Variants in UGGT2 observed in about 807,000 individuals in gnomAD.
The protein encoded by UGGT2 is UDP-glucose:glycoprotein glucosyltransferase 2.
In UGGT2, 180 loss-of-function variants were observed where a neutral mutation model predicts 192.1. That is an observed-to-expected ratio of 0.94 (90% CI 0.83 to 1.06). The LOEUF (loss-of-function observed/expected upper bound fraction) is 1.06. Ranked by LOEUF, UGGT2 falls within the 50% of genes least tolerant of loss-of-function variation. The pLI, the probability that UGGT2 is intolerant of heterozygous loss-of-function variation, is 0.00. For missense variants in UGGT2, 1,849 were observed against 1,795.7 expected (o/e 1.03, Z -0.54); for synonymous variants, 580 against 591.0 (o/e 0.98, Z 0.27).
intron 26 of UGGT2, among the ~76,000 whole-genome samples, chr13:95,885,457 T>C (rs2047618809): frequency 6.6e-6 from 1 of 152,164 alleles, no homozygotes; most frequent in Non-Finnish European, 1.5e-5. Flanking sequence ...GCATCTCCAA[T>C]ATGCTTCAAA....
intron 1 of UGGT2, among the ~76,000 whole-genome samples, chr13:96,052,643 A>C (rs1326382246): frequency 6.6e-6 from 1 of 152,250 alleles, no homozygotes; most frequent in Non-Finnish European, 1.5e-5. Context: ...AGAATACTAA[A>C]GGGCAAAATG....
At chr13:95,907,212 G>T (rs763706706) in intron 20 of UGGT2, among the ~76,000 whole-genome samples, 1 of 152,222 alleles carries the variant, frequency 6.6e-6, no homozygotes, top group Non-Finnish European at 1.5e-5. Flanking sequence ...GGGGAGGGGC[G>T]TCCACCATTG....
intron 20 of UGGT2, among the ~76,000 whole-genome samples, chr13:95,919,896 A>T (rs548681518): frequency 2.6e-5 from 4 of 152,350 alleles, no homozygotes; most frequent in East Asian, 3.9e-4. Flanking sequence ...CGAATAGTCA[A>T]GCCAATCCTA....
At chr13:95,963,331 T>C (rs952537534) in intron 12 of UGGT2, among the ~76,000 whole-genome samples, 1 of 152,024 alleles carries the variant, frequency 6.6e-6, no homozygotes, top group Non-Finnish European at 1.5e-5. Flanking sequence ...AGAAAAAGAA[T>C]CTGATTAAAT....
At chr13:95,913,192 A>G (rs1355490802) in intron 20 of UGGT2, among the ~76,000 whole-genome samples, 1 of 152,152 alleles carries the variant, frequency 6.6e-6, no homozygotes, top group Non-Finnish European at 1.5e-5. Context: ...GGACTTCATG[A>G]CTAAAACACC....
intron 20 of UGGT2, among the ~76,000 whole-genome samples, chr13:95,914,109 C>G (rs2048597670): frequency 6.6e-6 from 1 of 151,870 alleles, no homozygotes; most frequent in Non-Finnish European, 1.5e-5. Flanking sequence ...GGATGGGGGC[C>G]TGAGGGAGGG....
rs2051407795 is a variant in UGGT2 at position 95,990,009 on chromosome 13, TGTTACTCTCAATCAG to T, written c.880_894del (p.Leu294_Asn298del). ...CAGACTTTCAAAGGCATCATTTGTT[TGTTACTCTCAATCAG>T]GTATTTTTGGAATGCTGTCAGATTA... On this transcript the variant is annotated inframe_deletion, in exon 8 of 39. Transcript: ENST00000376747. 1 of 1,607,802 alleles carries T rather than the reference TGTTACTCTCAATCAG, an allele frequency of 6.2e-7. No individual in the cohort carries two copies. Among genetic ancestry groups the T allele is most frequent in the African/African-American group, 1.3e-5 (1 of 74,800 alleles).
At chr13:95,909,048 C>T (rs1378683784) in intron 20 of UGGT2, among the ~76,000 whole-genome samples, 3 of 151,502 alleles carry the variant, frequency 2.0e-5, no homozygotes, top group African/African-American at 7.3e-5. Context: ...ATGGTAATGC[C>T]TAGGTTTTCT....
intron 12 of UGGT2, among the ~76,000 whole-genome samples, chr13:95,969,621 C>T (rs780069770): frequency 4.6e-5 from 7 of 152,182 alleles, no homozygotes; most frequent in Non-Finnish European, 1.0e-4. Flanking sequence ...TGACAGCAGC[C>T]ATCTGCAGCC....
chr13:95,823,345 T>C (rs1250734064), intron 38 of UGGT2, among the ~76,000 whole-genome samples: 1 of 152,116 alleles, frequency 6.6e-6, no homozygotes, highest in African/African-American at 2.4e-5. Context: ...TCTCAATCTA[T>C]TTAGTGCTGT....
chr13:96,045,944 T>A (rs2053297223), intron 1 of UGGT2, among the ~76,000 whole-genome samples: 1 of 151,722 alleles, frequency 6.6e-6, no homozygotes. Context: ...GCAATTCCCA[T>A]CAAAATACCA....
chr13:95,863,792 G>T, intron 30 of UGGT2, 78 bp from the exon 31 acceptor site: 1 of 1,114,860 alleles, frequency 9.0e-7, no homozygotes, highest in East Asian at 2.4e-5. Flanking sequence ...GAAACATATT[G>T]GGCGAGATTA....
At chr13:95,946,891 C>T (rs2049888380) in intron 15 of UGGT2, 146 bp downstream of exon 15, 5 of 801,370 alleles carry the variant, frequency 6.2e-6, no homozygotes, top group East Asian at 3.2e-5. Context: ...ACAAATTCAT[C>T]ATCTGTATTA....
At chr13:95,991,829 A>C (rs1381673465) in intron 7 of UGGT2, among the ~76,000 whole-genome samples, 1 of 152,172 alleles carries the variant, frequency 6.6e-6, no homozygotes, top group Non-Finnish European at 1.5e-5. Context: ...AAAGTACCTC[A>C]AAGGATTTTT....
Position 96,053,155 on chromosome 13 carries a change from C to T in UGGT2, c.158G>A (p.Ser53Asn). ...GGACGAGGGCCCGGCCCGCACCCAC[C>T]TTGCCTCCAGCAGCAGCGGGGTCTC... is the stretch of plus-strand genomic sequence containing the variant. ...WPETPLLLEA[S>N]EFMAEESNEK... Residue 53 changes from serine (S) to asparagine (N), a missense_variant and splice_region_variant, in exon 1 of 39, where the codon AGT (serine) becomes AAT (asparagine). Transcript: ENST00000376747. 6.6e-7 allele frequency: 1 copy of T among 1,509,512 alleles called. No individual in the cohort carries two copies. Among genetic ancestry groups the T allele is most frequent in the Non-Finnish European group, 8.8e-7 (1 of 1,133,122 alleles). The allele number at this position is 1,509,512 out of a possible 1,614,324, so 93.5% of individuals were successfully genotyped here.
chr13:95,840,168 C>G (rs1270009792), intron 36 of UGGT2, among the ~76,000 whole-genome samples: 1 of 152,032 alleles, frequency 6.6e-6, no homozygotes, highest in Non-Finnish European at 1.5e-5. Context: ...CCAAAAGCAA[C>G]AGAAACAAAA....
intron 29 of UGGT2, among the ~76,000 whole-genome samples, chr13:95,869,102 T>C (rs543789091): frequency 6.8e-6 from 1 of 147,088 alleles, no homozygotes; most frequent in East Asian, 2.1e-4. Flanking sequence ...GTTCTCATTG[T>C]TCAATTTCCA....
chr13:95,991,445 C>G, intron 7 of UGGT2: 1 of 454,062 alleles, frequency 2.2e-6, no homozygotes, highest in Non-Finnish European at 4.4e-6. Context: ...TCATTGAAAA[C>G]ACGTATTTTC....
chr13:96,049,618 A>C (rs1049047162), intron 1 of UGGT2, among the ~76,000 whole-genome samples: 31 of 152,252 alleles, frequency 2.0e-4, no homozygotes, highest in Middle Eastern at 3.2e-3. Context: ...GCTGATAAGC[A>C]ACTTCAGCAA....
Sources: gnomAD v4.1 joint callset for allele counts (sites outside exome capture counted in the v4.1 genomes callset) on GRCh38, gnomAD v4.1.1 for gene constraint, MANE v1.5 for transcripts, NCBI Gene and HGNC (gene_info 2026-07-23, HGNC 2026-07-21) for gene names.